Variants in SEMA5B observed in about 807,000 individuals in gnomAD.
SEMA5B encodes semaphorin 5B, also known as semaphorin-5B.
In SEMA5B, 66 loss-of-function variants were observed where a neutral mutation model predicts 135.0. The ratio of observed to expected loss-of-function variants is 0.49; its 90% CI spans 0.40 to 0.60. The LOEUF (loss-of-function observed/expected upper bound fraction) is 0.60. Ranked by LOEUF, SEMA5B falls within the 20% of genes least tolerant of loss-of-function variation. The pLI is 0.00. For missense variants in SEMA5B, 1,501 were observed against 1,566.3 expected (o/e 0.96, Z 0.70); for synonymous variants, 690 against 639.5 (o/e 1.08, Z -1.19).
At chr3:122,933,213 A>G (rs1168979448) in intron 5 of SEMA5B, among the ~76,000 whole-genome samples, 1 of 151,092 alleles carries the variant, frequency 6.6e-6, no homozygotes, top group Non-Finnish European at 1.5e-5. Context: ...CTCTTTCTTG[A>G]TTTATTCGCT....
chr3:123,018,492 T>C (rs1475459631), intron 1 of SEMA5B, among the ~76,000 whole-genome samples: 12 of 152,236 alleles, frequency 7.9e-5, no homozygotes, highest in Admixed American at 7.9e-4. Context: ...CGAAGCACAC[T>C]TGAGTTGGGC....
At chr3:122,976,151 C>A (rs1444404786) in intron 1 of SEMA5B, 1 of 1,534,720 alleles carries the variant, frequency 6.5e-7, no homozygotes, top group Non-Finnish European at 8.7e-7. Context: ...ATCACTTCCT[C>A]ACCCTGTGTT....
chr3:122,936,239 A>G (rs1159700764), intron 5 of SEMA5B, among the ~76,000 whole-genome samples: 3 of 152,160 alleles, frequency 2.0e-5, no homozygotes, highest in Non-Finnish European at 4.4e-5. Flanking sequence ...CTGTGAGAGG[A>G]AGCAGGCGAC....
intron 2 of SEMA5B, among the ~76,000 whole-genome samples, chr3:122,956,951 C>T (rs1007206850): frequency 2.3e-4 from 35 of 152,130 alleles, no homozygotes; most frequent in African/African-American, 8.2e-4. Flanking sequence ...TGGAGCTTCC[C>T]CAGCCATCAG....
chr3:122,937,984 G>A (rs1454592100), intron 5 of SEMA5B, among the ~76,000 whole-genome samples: 1 of 152,086 alleles, frequency 6.6e-6, no homozygotes, highest in Non-Finnish European at 1.5e-5. Flanking sequence ...CTTACTTTCC[G>A]GCCAATGGAA....
At chr3:122,972,299 G>T (rs1339774624) in intron 1 of SEMA5B, among the ~76,000 whole-genome samples, 1 of 152,166 alleles carries the variant, frequency 6.6e-6, no homozygotes, top group African/African-American at 2.4e-5. Context: ...TGGAGAGTGT[G>T]CAGTGACTTA....
chr3:123,016,955 G>A (rs1243587155), intron 1 of SEMA5B, among the ~76,000 whole-genome samples: 3 of 144,844 alleles, frequency 2.1e-5, no homozygotes, highest in East Asian at 2.0e-4. Flanking sequence ...GCAGTGGCGC[G>A]ATCTCGGCTC....
Position 122,922,325 on chromosome 3 carries a change from G to A in SEMA5B, c.1395C>T (p.Thr465=), listed in dbSNP as rs892795965. 1 of 1,613,866 alleles carries A rather than the reference G, an allele frequency of 6.2e-7. No individual in the cohort carries two copies. The highest frequency in any genetic ancestry group is 1.3e-5 in the African/African-American group (1 of 74,924). The change falls in exon 11 of 23, where the codon ACC becomes ACT. Residue 465 remains threonine (T), a synonymous_variant. Transcript: ENST00000357599. Reference sequence around the variant, plus strand: ...GGTGTGAGAAGCGCACGCTGTCCTGGGTGACACAGGGCTCGGGTGTCACCG... The same window carrying A: ...GGTGTGAGAAGCGCACGCTGTCCTGAGTGACACAGGGCTCGGGTGTCACCG... ...VQPVTPEPCV[T]QDSVRFSHLV...
At chr3:123,007,834 C>A (rs909641920) in intron 1 of SEMA5B, among the ~76,000 whole-genome samples, 14 of 152,124 alleles carry the variant, frequency 9.2e-5, no homozygotes, top group African/African-American at 2.9e-4. Flanking sequence ...CTGTTACAAG[C>A]AACAGAAAAT....
chr3:122,914,499 A>G (rs981869768), intron 14 of SEMA5B, among the ~76,000 whole-genome samples: 7 of 152,184 alleles, frequency 4.6e-5, no homozygotes, highest in African/African-American at 1.7e-4. Context: ...TGGCTGTGAA[A>G]CCCTGGGCAA....
intron 5 of SEMA5B, among the ~76,000 whole-genome samples, chr3:122,938,555 A>T (rs1939409564): frequency 6.6e-6 from 1 of 152,200 alleles, no homozygotes; most frequent in Admixed American, 6.5e-5. Flanking sequence ...CCAGCAAATG[A>T]TTAAGTTCTA....
intron 1 of SEMA5B, among the ~76,000 whole-genome samples, chr3:122,969,671 G>A (rs1302755671): frequency 6.6e-6 from 1 of 152,156 alleles, no homozygotes; most frequent in Non-Finnish European, 1.5e-5. Flanking sequence ...TGATATTTCT[G>A]TGTCCCACTC....
chr3:122,958,525 C>G (rs1940436358), intron 2 of SEMA5B, among the ~76,000 whole-genome samples: 1 of 152,202 alleles, frequency 6.6e-6, no homozygotes, highest in Non-Finnish European at 1.5e-5. Flanking sequence ...GGCATCTTCC[C>G]ACCCACACAT....
rs376708635 is a variant in SEMA5B, at chr3:122,922,443, C to T, written c.1277G>A (p.Gly426Asp). 100 of 1,597,374 alleles carry T rather than the reference C, an allele frequency of 6.3e-5. No individual in the cohort carries two copies. Among genetic ancestry groups the T allele is most frequent in the Non-Finnish European group, 7.8e-5 (91 of 1,173,064 alleles). ...IANPIPNFQC[G>D]TLPETGPNEN... ...GTTGGGACCGGTCTCAGGCAGGGTG[C>T]CACACTGCCGCGGGGAGCCAGGTCA... Residue 426 changes from glycine to aspartate, a missense_variant, in exon 11 of 23, where the codon GGC becomes GAC. Transcript: ENST00000357599.
chr3:122,974,591 G>A (rs991100783), intron 1 of SEMA5B, among the ~76,000 whole-genome samples: 1 of 152,188 alleles, frequency 6.6e-6, no homozygotes, highest in Non-Finnish European at 1.5e-5. Context: ...TGGTGTCCAG[G>A]AGCTGAGCAG....
At chr3:123,018,609 G>A in intron 1 of SEMA5B, among the ~76,000 whole-genome samples, 1 of 152,168 alleles carries the variant, frequency 6.6e-6, no homozygotes, top group African/African-American at 2.4e-5. Flanking sequence ...GTGTTGTTTT[G>A]AGCCACCCCA....
At chr3:122,980,000 C>T (rs1478728221) in intron 1 of SEMA5B, among the ~76,000 whole-genome samples, 2 of 152,214 alleles carry the variant, frequency 1.3e-5, no homozygotes, top group African/African-American at 4.8e-5. Flanking sequence ...CATTTCATCA[C>T]TTGGAAGCTG....
chr3:122,945,181 G>T (rs145522916), intron 3 of SEMA5B, among the ~76,000 whole-genome samples: 5 of 152,134 alleles, frequency 3.3e-5, no homozygotes, highest in African/African-American at 9.7e-5. Flanking sequence ...AACTGTGATA[G>T]GCATGATTAA....
At chr3:122,948,205 C>T (rs1478140010) in intron 3 of SEMA5B, among the ~76,000 whole-genome samples, 2 of 152,196 alleles carry the variant, frequency 1.3e-5, no homozygotes, top group East Asian at 3.9e-4. Flanking sequence ...TGGCCACCCC[C>T]AGCCAGGGCA....
Sources: allele counts gnomAD v4.1 joint callset (sites outside exome capture counted in the v4.1 genomes callset), GRCh38; gene constraint gnomAD v4.1.1; transcripts MANE v1.5; gene names NCBI Gene and HGNC (gene_info 2026-07-23, HGNC 2026-07-21).